Variants in FCSK observed in about 807,000 individuals in gnomAD.
The protein encoded by FCSK is fucose kinase.
In FCSK, 123 loss-of-function variants were observed where a neutral mutation model predicts 122.5. The observed-to-expected ratio is 1.00, with a 90% CI of 0.87 to 1.17. The LOEUF is 1.17. Ranked by LOEUF, FCSK falls within the 50% of genes most tolerant of loss-of-function variation. The probability of loss-of-function intolerance (pLI) is 0.00; values close to 1 mark genes in which losing one functional copy is unlikely to be tolerated. For synonymous variants in FCSK, 620 were observed against 625.5 expected, an observed-to-expected ratio of 0.99 and a Z score of 0.13; for missense variants, 1,366 against 1,450.4, an observed-to-expected ratio of 0.94 and a Z score of 0.95.
chr16:70,459,788 C>G (rs560212735), intron 1 of FCSK, among the ~76,000 whole-genome samples: 1 of 149,514 alleles, frequency 6.7e-6, no homozygotes, highest in African/African-American at 2.5e-5. Context: ...AGCCACCACA[C>G]CCAGCAGTTT....
chr16:70,469,875 G>A lies in FCSK; in HGVS notation c.956-439G>A, dbSNP rs1397659127. Among the ~76,000 whole-genome samples the A allele has an allele frequency of 2.7e-5, 4 of 147,040 alleles. No individual in the cohort carries two copies. In the East Asian group the frequency reaches 6.1e-4, roughly 22 times the overall value. On this transcript the variant is annotated intron_variant, in intron 10 of 23. Transcript: ENST00000288078. ...TTTTTTTTTTTTTGAGACAGAGTAT[G>A]GCTCTGTTGCCCAGGCTGGAGTGCA...
At chr16:70,467,200 T>C (rs1345345159) in intron 6 of FCSK, 174 bp from the exon 7 acceptor site, 6 of 625,516 alleles carry the variant, frequency 9.6e-6, no homozygotes, top group Admixed American at 2.8e-5. Flanking sequence ...CGGAAGAACT[T>C]TGGGAGAGGA....
At chr16:70,478,926 T>G (rs1269750374) in intron 22 of FCSK, 2 of 693,750 alleles carry the variant, frequency 2.9e-6, no homozygotes, top group African/African-American at 3.5e-5. Flanking sequence ...AAGTCTGAGC[T>G]GGGCAGGGTC....
chr16:70,474,462 C>G (rs1376811183), intron 16 of FCSK, 66 bp from the exon 17 acceptor site: 28 of 1,546,082 alleles, frequency 1.8e-5, no homozygotes, highest in Middle Eastern at 3.6e-4. Context: ...GTCAGGTCCC[C>G]AAAGCCAGGC....
chr16:70,459,436 C>G (rs1164237721), intron 1 of FCSK, among the ~76,000 whole-genome samples: 2 of 151,924 alleles, frequency 1.3e-5, no homozygotes, highest in Admixed American at 6.6e-5. Context: ...ACTCGGGAGG[C>G]TGAGGCAGGG....
intron 3 of FCSK, among the ~76,000 whole-genome samples, chr16:70,464,545 G>A (rs1161719164): frequency 1.3e-5 from 2 of 151,984 alleles, no homozygotes; most frequent in South Asian, 2.1e-4. Flanking sequence ...CCAGCTACTC[G>A]GGAGGCTGAG....
In FCSK at chr16:70,471,277, G is replaced by T. The variant is rs749402421; in HGVS notation, c.1266G>T (p.Leu422=). The T allele has an allele frequency of 4.4e-6, 7 of 1,608,836 alleles. No individual in the cohort carries two copies. Among genetic ancestry groups the T allele is most frequent in the Non-Finnish European group, 5.9e-6 (7 of 1,178,390 alleles). ...GCCGGGAGCTGCGTGACCTTGTCCTGCAGGGACACCACACGCGGCTACACG... is the reference window on the plus strand; with the variant it reads ...GCCGGGAGCTGCGTGACCTTGTCCTTCAGGGACACCACACGCGGCTACACG... ...LHGRELRDLV[L]QGHHTRLHGS... Residue 422 remains leucine, a synonymous_variant, in exon 13 of 24, where the codon CTG becomes CTT. Coordinates refer to ENST00000288078, the MANE Select transcript of FCSK (RefSeq NM_145059.3).
chr16:70,456,131 C>T (rs1344325731), intron 1 of FCSK, among the ~76,000 whole-genome samples: 1 of 152,230 alleles, frequency 6.6e-6, no homozygotes, highest in Admixed American at 6.5e-5. Flanking sequence ...GTGATCACAT[C>T]ACTGCGTTCC....
At position 70,473,016 on chromosome 16, in the gene FCSK, C is replaced by A. The variant is rs780677644; in HGVS notation, c.1440C>A (p.Pro480=). 6.3e-7 allele frequency: 1 copy of A among 1,599,064 alleles called. No individual in the cohort carries two copies. Among genetic ancestry groups the A allele is most frequent in the Admixed American group, 1.7e-5 (1 of 58,336 alleles). The part of the protein sequence containing the change: ...AWDLWDPETL[P]AEYCLPSARL... Reference sequence around the variant, plus strand: ...ACCTGTGGGACCCTGAGACGCTGCCCGCAGAGTACTGCCTTCCCAGCGCCC... The same window carrying A: ...ACCTGTGGGACCCTGAGACGCTGCCAGCAGAGTACTGCCTTCCCAGCGCCC... Residue 480 remains proline, a synonymous_variant, in exon 15 of 24, where the codon CCC becomes CCA. Transcript: ENST00000288078. This position sits in a 1 kb window ranked among gnomAD's most constrained non-coding sequence, Gnocchi z 4.9.
At chr16:70,471,672 C>T (rs1036332982) in intron 13 of FCSK, among the ~76,000 whole-genome samples, 1 of 152,100 alleles carries the variant, frequency 6.6e-6, no homozygotes, top group Non-Finnish European at 1.5e-5. Flanking sequence ...AATCTCAGCT[C>T]ACTGCAATCT....
At chr16:70,467,589 CAAG>C (rs2048462895) in intron 7 of FCSK, 118 bp downstream of exon 7, 2 of 821,460 alleles carry the variant, frequency 2.4e-6, no homozygotes, top group Non-Finnish European at 3.9e-6. Flanking sequence ...TTCCTGAATC[CAAG>C]GAGTTTCCTC....
At chr16:70,456,944 T>C (rs1331284559) in intron 1 of FCSK, among the ~76,000 whole-genome samples, 4 of 151,762 alleles carry the variant, frequency 2.6e-5, no homozygotes, top group Non-Finnish European at 2.9e-5. Flanking sequence ...GGCTTGAACC[T>C]GGGAGGCGGA....
At chr16:70,471,161 G>A in intron 12 of FCSK, 21 bp from the exon 13 acceptor site, 1 of 1,597,768 alleles carries the variant, frequency 6.3e-7, no homozygotes, top group Non-Finnish European at 8.5e-7. Context: ...CACCCAGGAT[G>A]CCTGCCCTGT....
chr16:70,467,801 A>T, intron 7 of FCSK, 85 bp from the exon 8 acceptor site: 1 of 1,144,034 alleles, frequency 8.7e-7, no homozygotes, highest in Non-Finnish European at 1.3e-6. Context: ...CCTTTGGAGA[A>T]TGCCCTTGCT....
intron 1 of FCSK, chr16:70,462,416 C>T (rs901683796): frequency 6.6e-6 from 1 of 152,252 alleles, no homozygotes; most frequent in Non-Finnish European, 1.5e-5. Flanking sequence ...GCCATAATCT[C>T]CCAGGCTCAA....
chr16:70,455,765 G>A (rs1038072884), intron 1 of FCSK, among the ~76,000 whole-genome samples: 1 of 151,832 alleles, frequency 6.6e-6, no homozygotes, highest in African/African-American at 2.4e-5. Flanking sequence ...GGTGGTGCAC[G>A]TCTGTAATCC....
In FCSK at chr16:70,471,041, C is replaced by T. The variant is rs1364822947; in HGVS notation, c.1139C>T (p.Pro380Leu). ...CLLEGPVQLG[P>L]GSVLQHCHLQ... ...CTGGAGGGCCCTGTCCAGCTGGGTC[C>T]TGGGAGCGTCCTGCAGCACTGCCAC... The change falls in exon 12 of 24, where the codon CCT (proline) becomes CTT (leucine). Residue 380 changes from proline (P) to leucine (L), a missense_variant. Coordinates refer to ENST00000288078, the MANE Select transcript of FCSK (RefSeq NM_145059.3). 3 of 1,603,144 alleles carry T rather than the reference C, an allele frequency of 1.9e-6. No homozygotes were observed. Among genetic ancestry groups the T allele is most frequent in the Non-Finnish European group, 2.5e-6 (3 of 1,176,998 alleles).
chr16:70,457,437 A>G (rs1364574445), intron 1 of FCSK, among the ~76,000 whole-genome samples: 1 of 151,352 alleles, frequency 6.6e-6, no homozygotes, highest in Non-Finnish European at 1.5e-5. Flanking sequence ...GTACTTTTAA[A>G]AGAGATGGGG....
In FCSK at chr16:70,472,897, C is replaced by T. The variant is rs982922220; in HGVS notation, c.1407-86C>T. ...TACCTCGGAGGAGTCTGTCCTGTCC[C>T]CATGAACTGACAGGCGGCTCAGGGC... On this transcript the variant is annotated intron_variant, in intron 14 of 23. Coordinates refer to ENST00000288078, the MANE Select transcript of FCSK (RefSeq NM_145059.3). 1.1e-5 allele frequency: 16 copies of T among 1,461,658 alleles called. No homozygotes were observed. The East Asian group carries it at 3.9e-4, about 36-fold the overall frequency. The allele number at this position is 1,461,658 out of a possible 1,614,324, so 90.5% of individuals were successfully genotyped here.
Sources: allele counts gnomAD v4.1 joint callset (sites outside exome capture counted in the v4.1 genomes callset), GRCh38; gene constraint gnomAD v4.1.1; non-coding constraint Gnocchi (gnomAD v3.1); transcripts MANE v1.5; gene names NCBI Gene and HGNC (gene_info 2026-07-23, HGNC 2026-07-21).